Variants in AVEN observed in about 807,000 individuals in gnomAD.
AVEN encodes apoptosis and caspase activation inhibitor, also known as cell death regulator Aven.
AVEN carries 41 observed loss-of-function variants against 38.1 expected under a neutral mutation model. The ratio of observed to expected loss-of-function variants is 1.08; its 90% confidence interval spans 0.84 to 1.40. The LOEUF (loss-of-function observed/expected upper bound fraction) is 1.40. Among genes scored for constraint, AVEN ranks in the 40% most tolerant of loss-of-function variants. The probability of loss-of-function intolerance (pLI) is 0.00; values close to 1 mark genes in which losing one functional copy is unlikely to be tolerated. For synonymous variants in AVEN, 206 were observed against 171.8 expected (o/e 1.20, Z -1.56); for missense variants, 605 against 438.8 (o/e 1.38, Z -3.38).
At chr15:33,910,009 T>A (rs538492362) in intron 2 of AVEN, among the ~76,000 whole-genome samples, 7 of 151,938 alleles carry the variant, frequency 4.6e-5, no homozygotes, top group Admixed American at 4.6e-4. Flanking sequence ...ACACCTGTAA[T>A]CTTAGCTACT....
At chr15:33,864,097 T>C, downstream of AVEN, 1 of 1,491,260 alleles carries the variant, frequency 6.7e-7, no homozygotes, top group Non-Finnish European at 9.3e-7. Flanking sequence ...TGAACTTGGG[T>C]CTTGACCAGA....
At chr15:33,894,554 C>G (rs566104962) in intron 2 of AVEN, among the ~76,000 whole-genome samples, 29 of 145,962 alleles carry the variant, frequency 2.0e-4, no homozygotes, top group African/African-American at 7.4e-4. Flanking sequence ...GGCACAGTGG[C>G]TCACTAGCAC....
chr15:33,868,130 G>C (rs1368557158), intron 4 of AVEN, among the ~76,000 whole-genome samples: 2 of 152,174 alleles, frequency 1.3e-5, no homozygotes, highest in East Asian at 3.8e-4. Context: ...GGAATGAAAA[G>C]ATCCATGTCT....
chr15:33,939,907 G>A (rs1421890632), intron 2 of AVEN, among the ~76,000 whole-genome samples: 2 of 152,186 alleles, frequency 1.3e-5, no homozygotes, highest in Admixed American at 6.5e-5. Context: ...AACATACAAC[G>A]TTAAATTTAC....
chr15:34,008,487 T>TC (rs1256500022), intron 1 of AVEN, among the ~76,000 whole-genome samples: 3 of 25,008 alleles, frequency 1.2e-4, no homozygotes, highest in African/African-American at 1.5e-4. Flanking sequence ...AAAAACCTTT[T>TC]TTTTTTTTTT....
intron 2 of AVEN, among the ~76,000 whole-genome samples, chr15:33,933,524 C>CACACACACACACACAGAGAGAGAGAGAG (rs1893945145): frequency 4.3e-5 from 2 of 46,650 alleles, no homozygotes; most frequent in Non-Finnish European, 8.9e-5. Context: ...CACACACACA[C>CACACACACACACACAGAGAGAGAGAGAG]AGAGAGAGAG....
intron 2 of AVEN, among the ~76,000 whole-genome samples, chr15:33,984,698 A>G (rs6495426): frequency 0.45 from 67,665 of 151,624 alleles, 16,087 homozygotes; most frequent in African/African-American, 0.61. Context: ...CACTGCACCC[A>G]GCCTATTCAT....
chr15:33,870,654 T>C (rs1890905927), intron 4 of AVEN, among the ~76,000 whole-genome samples: 1 of 152,236 alleles, frequency 6.6e-6, no homozygotes, highest in Non-Finnish European at 1.5e-5. Context: ...TAGAGCGTGA[T>C]GCGTAAATAT....
At chr15:33,912,953 G>A (rs935370673) in intron 2 of AVEN, among the ~76,000 whole-genome samples, 6 of 150,624 alleles carry the variant, frequency 4.0e-5, no homozygotes, top group Admixed American at 2.6e-4. Flanking sequence ...GCAATGGCGC[G>A]ATCTCGGCTC....
chr15:33,854,969 A>G, downstream of AVEN: 1 of 1,502,784 alleles, frequency 6.7e-7, no homozygotes, highest in South Asian at 1.4e-5. Flanking sequence ...GGAAAAAAAG[A>G]ACAGCAGGTA....
intron 2 of AVEN, among the ~76,000 whole-genome samples, chr15:33,933,966 G>A (rs1893969549): frequency 6.6e-6 from 1 of 151,514 alleles, no homozygotes; most frequent in Admixed American, 6.6e-5. Flanking sequence ...CTCACACACA[G>A]ACACATACAA....
chr15:34,052,839 T>C (rs1344465419), intron 5 of AVEN, among the ~76,000 whole-genome samples: 1 of 152,096 alleles, frequency 6.6e-6, no homozygotes, highest in Non-Finnish European at 1.5e-5. Flanking sequence ...CTCAATGAAA[T>C]CAGAGAGGAC....
chr15:33,891,672 C>T (rs182969781), intron 2 of AVEN, among the ~76,000 whole-genome samples: 16 of 152,222 alleles, frequency 1.1e-4, no homozygotes, highest in African/African-American at 3.1e-4. Context: ...CTATTGTGAA[C>T]AGTGCCACAA....
rs1417482856 is a variant in AVEN, at chr15:33,867,767, C to T, written c.701G>A (p.Gly234Glu). 6.2e-7 allele frequency: 1 copy of T among 1,614,146 alleles called. No homozygotes were observed. ...GLGMQLKGPL[G>E]PGGRGPIFEL... is the part of the protein sequence containing the mutation. ...AAAGATGGGCCCCCTTCCTCCAGGC[C>T]CCAAGGGCCCCTTTAACTGCATCCC... The change falls in exon 5 of 6, where the codon GGG becomes GAG. Residue 234 changes from glycine to glutamate, a missense_variant. By Grantham distance (98) the Gly-to-Glu change is moderately conservative (BLOSUM62 -2). Coordinates refer to ENST00000306730, the MANE Select transcript of AVEN (RefSeq NM_020371.3).
intron 2 of AVEN, among the ~76,000 whole-genome samples, chr15:33,976,630 A>G (rs1895900724): frequency 6.6e-6 from 1 of 152,214 alleles, no homozygotes; most frequent in African/African-American, 2.4e-5. Context: ...AAGTATCAGG[A>G]ATAGGACCTT....
intron 1 of AVEN, among the ~76,000 whole-genome samples, chr15:34,071,210 C>A (rs1410181198): frequency 6.6e-6 from 1 of 152,150 alleles, no homozygotes; most frequent in Admixed American, 6.6e-5. Context: ...AATGGGCACC[C>A]TTACCTTCAA....
chr15:34,071,839 A>G (rs913847398), intron 1 of AVEN, among the ~76,000 whole-genome samples: 2 of 152,244 alleles, frequency 1.3e-5, no homozygotes, highest in Admixed American at 6.5e-5. Flanking sequence ...ATCCTTTGAT[A>G]GGTCCTTTCA....
intron 1 of AVEN, among the ~76,000 whole-genome samples, chr15:34,029,815 T>C (rs1176490544): frequency 6.6e-6 from 1 of 152,228 alleles, no homozygotes; most frequent in Non-Finnish European, 1.5e-5. Flanking sequence ...ATAAGACTAA[T>C]CTTCAATTAG....
Position 33,964,161 on chromosome 15 carries a change from T to C in AVEN, c.445+38871A>G, listed in dbSNP as rs554162046. Among the ~76,000 whole-genome samples the C allele has an allele frequency of 4.6e-5, 7 of 151,470 alleles. No individual in the cohort carries two copies. In the South Asian group the frequency reaches 1.0e-3, roughly 23 times the overall value. ...TAGCATAGTTCTAGAACCTGGAATA[T>C]AGGAAGCATTTCACAAATACTTAAT... On this transcript the variant is annotated intron_variant, in intron 2 of 5. Coordinates refer to ENST00000306730, the MANE Select transcript of AVEN (RefSeq NM_020371.3).
Sources: allele counts gnomAD v4.1 joint callset (sites outside exome capture counted in the v4.1 genomes callset), GRCh38; gene constraint gnomAD v4.1.1; transcripts MANE v1.5; gene names NCBI Gene and HGNC (gene_info 2026-07-23, HGNC 2026-07-21).